TLCD4: variants seen among roughly 807,000 people sequenced by gnomAD.
TLCD4 encodes TLC domain containing 4, also known as TLC domain-containing protein 4.
A neutral mutation model predicts 24.2 loss-of-function variants in TLCD4; 7 were observed. That is an observed-to-expected ratio of 0.29 (90% CI 0.16 to 0.54). The LOEUF (loss-of-function observed/expected upper bound fraction) is 0.54. Among genes scored for constraint, TLCD4 ranks in the 20% least tolerant of loss-of-function variants. TLCD4 has a pLI of 0.95. For missense variants in TLCD4, 259 were observed against 313.9 expected (o/e 0.82, Z 1.32); for synonymous variants, 103 against 106.4 (o/e 0.97, Z 0.20).
intron 6 of TLCD4, among the ~76,000 whole-genome samples, chr1:95,176,620 T>G (rs964924171): frequency 5.3e-5 from 8 of 152,364 alleles, no homozygotes; most frequent in Non-Finnish European, 1.0e-4. Context: ...GCTGATTGTT[T>G]CCTTTGATGT....
chr1:95,173,831 G>A lies in TLCD4; in HGVS notation c.415G>A (p.Ala139Thr), dbSNP rs757935198. ...YYLVLKNGVL[A>T]YIGNFRLLAE... Reference sequence around the variant, plus strand: ...TATCATTCAGAAAAATGGAGTGCTGGCATACATTGGGAATTTTCGCCTGCT... The same window carrying A: ...TATCATTCAGAAAAATGGAGTGCTGACATACATTGGGAATTTTCGCCTGCT... The change falls in exon 6 of 7, where the codon GCA becomes ACA. Residue 139 changes from alanine (A) to threonine (T), a missense_variant. By Grantham distance (58) the Ala-to-Thr change is moderately conservative. Coordinates refer to ENST00000370203, the MANE Select transcript of TLCD4 (RefSeq NM_152487.3). 6.2e-7 allele frequency: 1 copy of A among 1,614,092 alleles called. No individual in the cohort carries two copies. Among genetic ancestry groups the A allele is most frequent in the Non-Finnish European group, 8.5e-7 (1 of 1,180,004 alleles).
At chr1:95,160,125 T>C (rs1677744613) in intron 5 of TLCD4, among the ~76,000 whole-genome samples, 1 of 152,234 alleles carries the variant, frequency 6.6e-6, no homozygotes, top group Non-Finnish European at 1.5e-5. Context: ...ATATTGATTC[T>C]TCCTACACAT....
chr1:95,142,130 CT>C (rs35609217), intron 1 of TLCD4, among the ~76,000 whole-genome samples: 18 of 119,270 alleles, frequency 1.5e-4, no homozygotes, highest in African/African-American at 2.5e-4. Context: ...GCCTTAGTGC[CT>C]TTTTTTTTTT....
intron 1 of TLCD4, among the ~76,000 whole-genome samples, chr1:95,139,551 C>T (rs1404899790): frequency 6.7e-6 from 1 of 148,514 alleles, no homozygotes; most frequent in Admixed American, 6.8e-5. Context: ...CTCCGTCTCC[C>T]AGGTTCAAGT....
chr1:95,093,995 G>T, the TLCD4 span, among the ~76,000 whole-genome samples: 3 of 152,056 alleles, frequency 2.0e-5, no homozygotes, highest in African/African-American at 7.2e-5. Flanking sequence ...CATTGTGTCC[G>T]GGTTGGCCTA....
intron 2 of TLCD4, 32 bp downstream of exon 2, chr1:95,144,088 G>C (rs765152965): frequency 5.1e-6 from 7 of 1,368,468 alleles, no homozygotes. Context: ...TTGATGACAA[G>C]AAACTAGTTT....
At chr1:95,118,621 A>G (rs1676493816) in intron 1 of TLCD4, among the ~76,000 whole-genome samples, 1 of 152,182 alleles carries the variant, frequency 6.6e-6, no homozygotes, top group Non-Finnish European at 1.5e-5. Flanking sequence ...GTTGAGAAAA[A>G]TTGACCTTGG....
the TLCD4 span, among the ~76,000 whole-genome samples, chr1:95,093,156 A>C: frequency 1.3e-5 from 2 of 152,116 alleles, no homozygotes; most frequent in African/African-American, 4.8e-5. Context: ...TCCAACATCC[A>C]CTTCAATTTT....
At chr1:95,148,837 G>C (rs745506091) in intron 3 of TLCD4, 46 bp downstream of exon 3, 8 of 1,596,988 alleles carry the variant, frequency 5.0e-6, no homozygotes, top group South Asian at 3.4e-5. Context: ...TTTATGTTTT[G>C]ATATTAATTA....
upstream of TLCD4, among the ~76,000 whole-genome samples, chr1:95,116,865 C>T (rs1676441946): frequency 6.6e-6 from 1 of 152,120 alleles, no homozygotes; most frequent in Admixed American, 6.5e-5. Context: ...CTACACGCGC[C>T]CCCTACCAGT....
At chr1:95,146,268 C>T (rs894330434) in intron 2 of TLCD4, among the ~76,000 whole-genome samples, 2 of 151,836 alleles carry the variant, frequency 1.3e-5, no homozygotes, top group South Asian at 2.1e-4. Context: ...TTTCTGAAAA[C>T]GTGTATACTT....
At chr1:95,131,926 T>TA (rs1255428276) in intron 1 of TLCD4, among the ~76,000 whole-genome samples, 5 of 152,196 alleles carry the variant, frequency 3.3e-5, no homozygotes, top group Non-Finnish European at 5.9e-5. Flanking sequence ...GTGCCATTCT[T>TA]ATAGTAGTGA....
At position 95,197,058 on chromosome 1, in the gene TLCD4, G is replaced by A. The variant is rs1679226019; in HGVS notation, c.*5190G>A. 1 of 152,030 alleles carries A rather than the reference G, an allele frequency of 6.6e-6. No individual in the cohort carries two copies. The highest frequency in any genetic ancestry group is 1.5e-5 in the Non-Finnish European group (1 of 67,972). The allele number at this position is 152,030 out of a possible 1,614,324, so 9.4% of individuals were successfully genotyped here. A position where few individuals can be genotyped will look rare whatever the true frequency, so the allele number is the denominator to read the frequency against. The stretch of plus-strand genomic sequence containing the variant: ...CTATAGTGATATATATAGATACATA[G>A]ATATATACTTTTTTCTGAGAATGTA... On this transcript the variant is annotated 3_prime_UTR_variant, in exon 7 of 7. Coordinates refer to ENST00000370203, the MANE Select transcript of TLCD4 (RefSeq NM_152487.3).
rs1304515967 is a variant in TLCD4 at position 95,130,679 on chromosome 1, T to C, written c.-12+13062T>C. 1.8e-4 allele frequency among the ~76,000 whole-genome samples: 27 copies of C among 152,246 alleles called. 1 individual carries two copies. The highest frequency in any genetic ancestry group is 1.8e-3 in the Admixed American group (27 of 15,290). ...TGCTTATTTACAAATGACTTAGAGT[T>C]TGCAGATAGAGACTTTTACATCCTA... On this transcript the variant is annotated intron_variant, in intron 1 of 6. Coordinates refer to ENST00000370203, the MANE Select transcript of TLCD4 (RefSeq NM_152487.3).
chr1:95,175,754 T>C (rs779807721), intron 6 of TLCD4, among the ~76,000 whole-genome samples: 1 of 151,926 alleles, frequency 6.6e-6, no homozygotes, highest in South Asian at 2.1e-4. Flanking sequence ...ATGTCATGTG[T>C]TTTTCTTTTT....
the TLCD4 span, among the ~76,000 whole-genome samples, chr1:95,102,009 A>T: frequency 6.6e-6 from 1 of 152,222 alleles, no homozygotes. Context: ...ACATTTAGTT[A>T]ATAGGCAATA....
intron 5 of TLCD4, among the ~76,000 whole-genome samples, chr1:95,169,191 G>A (rs1408199447): frequency 6.6e-6 from 1 of 152,144 alleles, no homozygotes. Context: ...ACCCCTCATG[G>A]TTTCCCATTC....
rs746719980 is a variant in TLCD4 at position 95,151,409 on chromosome 1, A to G, written c.389A>G (p.Tyr130Cys). The change falls in exon 5 of 7, where the codon TAC (tyrosine) becomes TGC (cysteine). Residue 130 changes from tyrosine to cysteine, a missense_variant. Transcript: ENST00000370203. ...MHHCASLYAY[Y>C]LVLKNGVLAY... ...CATTGTGCGTCCCTGTATGCATACT[A>G]CCTTGTACTGGTGAGTTCCAGGATT... 4 of 1,612,922 alleles carry G rather than the reference A, an allele frequency of 2.5e-6. No homozygotes were observed. The South Asian group carries it at 3.3e-5, about 13-fold the overall frequency.
chr1:95,139,174 C>CAAAAAAAA (rs71097248), intron 1 of TLCD4, among the ~76,000 whole-genome samples: 2 of 76,800 alleles, frequency 2.6e-5, no homozygotes, highest in East Asian at 3.9e-4. Flanking sequence ...GAACCTGTGT[C>CAAAAAAAA]AAAAAAAAAA....
Sources: allele counts gnomAD v4.1 joint callset (sites outside exome capture counted in the v4.1 genomes callset), GRCh38; gene constraint gnomAD v4.1.1; transcripts MANE v1.5; gene names NCBI Gene and HGNC (gene_info 2026-07-23, HGNC 2026-07-21).